The following RASAL2 variants were observed in gnomAD, a reference collection of about 807,000 sequenced individuals.
The protein encoded by RASAL2 is ras GTPase-activating protein nGAP.
Under a neutral mutation model 128.9 loss-of-function variants are expected in RASAL2, and 58 were observed. The ratio of observed to expected loss-of-function variants is 0.45; its 90% CI spans 0.36 to 0.56. The LOEUF (loss-of-function observed/expected upper bound fraction) is 0.56, where lower values mean the gene tolerates loss of function less well. Ranked by LOEUF, RASAL2 falls within the 20% of genes least tolerant of loss-of-function variation. The pLI is 0.00. For synonymous variants in RASAL2, 561 were observed against 580.8 expected, an observed-to-expected ratio of 0.97 and a Z score of 0.49; for missense variants, 1,360 against 1,601.6, an observed-to-expected ratio of 0.85 and a Z score of 2.57.
At position 178,478,471 on chromosome 1, in the gene RASAL2, T is replaced by C. The variant is rs1648829373; in HGVS notation, c.*5232T>C. The C allele has an allele frequency of 6.6e-6, 1 of 152,248 alleles. No individual in the cohort carries two copies. Among genetic ancestry groups the C allele is most frequent in the African/African-American group, 2.4e-5 (1 of 41,478 alleles). The allele number at this position is 152,248 out of a possible 1,614,324, so 9.4% of individuals were successfully genotyped here. ...GCAGCACATTAACCTGAGTTACACCTGTGAGGAAATGACCTTCTAAATTTG... is the reference window on the plus strand; with the variant it reads ...GCAGCACATTAACCTGAGTTACACCCGTGAGGAAATGACCTTCTAAATTTG... On this transcript the variant is annotated 3_prime_UTR_variant, in exon 18 of 18. Transcript: ENST00000367649.
rs1171027781 is a variant in RASAL2, at chr1:178,442,838, T to G, written c.1091T>G (p.Phe364Cys). ...KADNIFWGEH[F>C]EFFSLPPLHS... The stretch of plus-strand genomic sequence containing the variant: ...GACAATATTTTCTGGGGCGAACATT[T>G]TGAATTCTTCAGCCTTCCACCTCTT... Residue 364 changes from phenylalanine (F) to cysteine (C), a missense_variant, in exon 8 of 18, where the codon TTT (phenylalanine) becomes TGT (cysteine). By Grantham distance (205) the Phe-to-Cys change is radical. Around this residue, in one of 3 missense-constraint regions of RASAL2, gnomAD observed 617 missense variants for 714.2 expected, o/e 0.86. Coordinates refer to ENST00000367649, the MANE Select transcript of RASAL2 (RefSeq NM_170692.4). 1 of 1,613,982 alleles carries G rather than the reference T, an allele frequency of 6.2e-7. No individual in the cohort carries two copies. Among genetic ancestry groups the G allele is most frequent in the South Asian group, 1.1e-5 (1 of 91,068 alleles).
intron 1 of RASAL2, among the ~76,000 whole-genome samples, chr1:178,180,484 CCAAAAA>C (rs1558099173): frequency 4.7e-5 from 1 of 21,478 alleles, no homozygotes; most frequent in Non-Finnish European, 1.1e-4. Context: ...CTCATCTCTA[CCAAAAA>C]AAAAAAAAAA....
intron 1 of RASAL2, among the ~76,000 whole-genome samples, chr1:178,173,825 T>C (rs537644029): frequency 4.7e-4 from 72 of 152,124 alleles, no homozygotes; most frequent in African/African-American, 1.7e-3. Context: ...CATTGGGTCT[T>C]TATCCTTTCA....
At chr1:178,326,101 C>T (rs775402401) in intron 3 of RASAL2, among the ~76,000 whole-genome samples, 3 of 151,840 alleles carry the variant, frequency 2.0e-5, no homozygotes, top group East Asian at 1.9e-4. Flanking sequence ...GGTGACAGAG[C>T]GAGCAAGACC....
intron 1 of RASAL2, among the ~76,000 whole-genome samples, chr1:178,207,790 G>C (rs917123708): frequency 2.0e-5 from 3 of 151,804 alleles, no homozygotes; most frequent in Non-Finnish European, 4.4e-5. Context: ...ATTCATTTTA[G>C]ATATTATCTA....
chr1:178,376,797 A>G (rs1450334707), intron 3 of RASAL2, among the ~76,000 whole-genome samples: 2 of 152,146 alleles, frequency 1.3e-5, no homozygotes, highest in East Asian at 3.9e-4. Context: ...GGTACTTAGT[A>G]GATACTTTTT....
intron 1 of RASAL2, among the ~76,000 whole-genome samples, chr1:178,246,994 C>T (rs777620504): frequency 1.3e-5 from 2 of 152,128 alleles, no homozygotes; most frequent in Non-Finnish European, 2.9e-5. Flanking sequence ...ATTATCACAT[C>T]GATGTTCATC....
At chr1:178,244,492 C>T (rs1240093804) in intron 1 of RASAL2, among the ~76,000 whole-genome samples, 3 of 152,204 alleles carry the variant, frequency 2.0e-5, no homozygotes, top group Admixed American at 6.5e-5. Context: ...CCACCCGCCT[C>T]GGCCTCCCAA....
chr1:178,128,452 T>A (rs1312214870), intron 1 of RASAL2, among the ~76,000 whole-genome samples: 2 of 152,160 alleles, frequency 1.3e-5, no homozygotes, highest in Admixed American at 6.5e-5. Flanking sequence ...ACATTGGTGA[T>A]GTTATAATAG....
intron 1 of RASAL2, among the ~76,000 whole-genome samples, chr1:178,135,374 C>T (rs1330365683): frequency 6.6e-6 from 1 of 151,020 alleles, no homozygotes; most frequent in Non-Finnish European, 1.5e-5. Context: ...TTTCCACAAA[C>T]TTTTTGGAGT....
chr1:178,231,483 C>T (rs987868373), intron 1 of RASAL2, among the ~76,000 whole-genome samples: 1 of 152,006 alleles, frequency 6.6e-6, no homozygotes, highest in Non-Finnish European at 1.5e-5. Context: ...CATTTTGTGG[C>T]TTGCATGTTG....
intron 1 of RASAL2, among the ~76,000 whole-genome samples, chr1:178,111,699 T>A (rs1659328267): frequency 6.6e-6 from 1 of 152,140 alleles, no homozygotes; most frequent in Non-Finnish European, 1.5e-5. Context: ...TATTCATGTA[T>A]CTTTAGTAAA....
intron 4 of RASAL2, among the ~76,000 whole-genome samples, chr1:178,394,815 C>A (rs918746685): frequency 5.3e-5 from 8 of 152,126 alleles, no homozygotes; most frequent in Non-Finnish European, 1.0e-4. Context: ...CACTGTGACA[C>A]CTAAGCATTC....
At chr1:178,294,665 A>G (rs1194551369) in intron 2 of RASAL2, among the ~76,000 whole-genome samples, 1 of 152,146 alleles carries the variant, frequency 6.6e-6, no homozygotes, top group African/African-American at 2.4e-5. Flanking sequence ...CAACACAACT[A>G]TTTTCAGGCA....
chr1:178,293,840 A>C (rs1208764898), intron 2 of RASAL2, among the ~76,000 whole-genome samples: 1 of 152,260 alleles, frequency 6.6e-6, no homozygotes, highest in Non-Finnish European at 1.5e-5. Context: ...TTACCGGAGA[A>C]CTAAATGGAA....
intron 1 of RASAL2, among the ~76,000 whole-genome samples, chr1:178,274,017 G>A (rs2102181877): frequency 6.6e-6 from 1 of 152,296 alleles, no homozygotes; most frequent in African/African-American, 2.4e-5. Context: ...TCAGCGATTT[G>A]TGATTCAAAT....
chr1:178,256,954 A>C lies in RASAL2; in HGVS notation c.203-26610A>C, dbSNP rs111332426. ...CTCCCAAAGTGCTAGGATTACAGGC[A>C]TGAGCCACTGCGCCTGGCCCAATGG... On this transcript the variant is annotated intron_variant, in intron 1 of 17. Transcript: ENST00000367649. Among the ~76,000 whole-genome samples, 623 of 152,240 alleles carry C rather than the reference A, an allele frequency of 4.1e-3. 3 individuals are homozygous for C. Among genetic ancestry groups the C allele is most frequent in the African/African-American group, 0.014 (566 of 41,538 alleles).
chr1:178,449,467 A>G (rs1004782272), intron 9 of RASAL2, among the ~76,000 whole-genome samples: 1 of 152,168 alleles, frequency 6.6e-6, no homozygotes, highest in Non-Finnish European at 1.5e-5. Flanking sequence ...CCAGATAGTA[A>G]TGAGTTAATG....
intron 1 of RASAL2, among the ~76,000 whole-genome samples, chr1:178,124,315 G>T (rs1659816261): frequency 6.6e-6 from 1 of 152,142 alleles, no homozygotes; most frequent in Non-Finnish European, 1.5e-5. Flanking sequence ...ATTTTTGGTT[G>T]TCACAACTGG....
Sources: allele counts gnomAD v4.1 joint callset (sites outside exome capture counted in the v4.1 genomes callset), GRCh38; gene constraint gnomAD v4.1.1; regional missense constraint gnomAD v4.1.1; transcripts MANE v1.5; gene names NCBI Gene and HGNC (gene_info 2026-07-23, HGNC 2026-07-21).